SUCLG2: variants seen among roughly 807,000 people sequenced by gnomAD.
SUCLG2 encodes succinate-CoA ligase GDP-forming subunit beta.
Under a neutral mutation model 47.9 loss-of-function variants are expected in SUCLG2, and 42 were observed. The ratio of observed to expected loss-of-function variants is 0.88; its 90% CI spans 0.69 to 1.14. The LOEUF (loss-of-function observed/expected upper bound fraction) is 1.14. Ranked by LOEUF, SUCLG2 falls within the 50% of genes most tolerant of loss-of-function variation. The probability of loss-of-function intolerance (pLI) is 0.00; values close to 1 mark genes in which losing one functional copy is unlikely to be tolerated. For synonymous variants in SUCLG2, 195 were observed against 197.3 expected, an observed-to-expected ratio of 0.99 and a Z score of 0.10; for missense variants, 571 against 525.9, an observed-to-expected ratio of 1.09 and a Z score of -0.84.
At chr3:67,421,748 G>C (rs529318618) in intron 9 of SUCLG2, among the ~76,000 whole-genome samples, 1 of 152,230 alleles carries the variant, frequency 6.6e-6, no homozygotes, top group East Asian at 1.9e-4. Flanking sequence ...ACATATCTAG[G>C]TCAAATTTGG....
intron 7 of SUCLG2, among the ~76,000 whole-genome samples, chr3:67,500,603 A>T (rs1705471923): frequency 6.6e-6 from 1 of 152,174 alleles, no homozygotes; most frequent in South Asian, 2.1e-4. Flanking sequence ...GCTACAGGGG[A>T]ATTTTCTCAG....
At chr3:67,454,056 A>G (rs553371626) in intron 9 of SUCLG2, among the ~76,000 whole-genome samples, 2 of 152,366 alleles carry the variant, frequency 1.3e-5, no homozygotes, top group East Asian at 1.9e-4. Flanking sequence ...GACTGATGAC[A>G]GCCTTATATC....
At chr3:67,528,597 T>G (rs929879269) in intron 3 of SUCLG2, among the ~76,000 whole-genome samples, 3 of 151,970 alleles carry the variant, frequency 2.0e-5, no homozygotes, top group African/African-American at 7.3e-5. Context: ...AGGGTAAAGA[T>G]CAAAGTAAAT....
At chr3:67,378,950 G>A (rs530641728) in intron 10 of SUCLG2, among the ~76,000 whole-genome samples, 5 of 152,172 alleles carry the variant, frequency 3.3e-5, no homozygotes, top group South Asian at 4.1e-4. Flanking sequence ...ACAGTTACAC[G>A]TGTAAATTTT....
At chr3:67,406,331 A>G (rs1409047794) in intron 9 of SUCLG2, among the ~76,000 whole-genome samples, 1 of 152,228 alleles carries the variant, frequency 6.6e-6, no homozygotes, top group Non-Finnish European at 1.5e-5. Flanking sequence ...TAAGCCAGCA[A>G]GAAAGATTTT....
intron 2 of SUCLG2, among the ~76,000 whole-genome samples, chr3:67,594,041 C>T (rs1272959095): frequency 6.6e-6 from 1 of 152,214 alleles, no homozygotes; most frequent in Admixed American, 6.5e-5. Flanking sequence ...TATACCCACA[C>T]CTAGCCCACA....
chr3:67,571,357 C>A (rs1369363531), intron 2 of SUCLG2, among the ~76,000 whole-genome samples: 1 of 152,200 alleles, frequency 6.6e-6, no homozygotes, highest in Non-Finnish European at 1.5e-5. Context: ...ATGTCTACAT[C>A]ATCAGGTTTA....
At chr3:67,501,893 C>T (rs1332444549) in intron 7 of SUCLG2, among the ~76,000 whole-genome samples, 1 of 151,956 alleles carries the variant, frequency 6.6e-6, no homozygotes, top group Non-Finnish European at 1.5e-5. Flanking sequence ...TTTAAAATAT[C>T]CTTTATAAAA....
chr3:67,403,534 G>A (rs1286951285), intron 9 of SUCLG2, among the ~76,000 whole-genome samples: 1 of 71,492 alleles, frequency 1.4e-5, no homozygotes, highest in Non-Finnish European at 3.0e-5. Flanking sequence ...TGTCCTCAGG[G>A]AAGAATTCAA....
At chr3:67,436,943 T>C (rs1329863950) in intron 9 of SUCLG2, among the ~76,000 whole-genome samples, 1 of 152,190 alleles carries the variant, frequency 6.6e-6, no homozygotes, top group Non-Finnish European at 1.5e-5. Context: ...CTTTTATTTA[T>C]TGTTTTCCTT....
intron 9 of SUCLG2, among the ~76,000 whole-genome samples, chr3:67,446,940 T>G (rs1468144343): frequency 1.3e-5 from 2 of 152,202 alleles, no homozygotes; most frequent in African/African-American, 4.8e-5. Flanking sequence ...ATGCAAATTT[T>G]TAAATAATCC....
At chr3:67,384,768 A>G (rs1344758083) in intron 10 of SUCLG2, among the ~76,000 whole-genome samples, 1 of 151,948 alleles carries the variant, frequency 6.6e-6, no homozygotes, top group Non-Finnish European at 1.5e-5. Flanking sequence ...CCCTTCCCAC[A>G]TGTGTGGCTG....
chr3:67,585,950 G>C (rs1247437610), intron 2 of SUCLG2, among the ~76,000 whole-genome samples: 1 of 114,340 alleles, frequency 8.7e-6, no homozygotes, highest in Non-Finnish European at 1.7e-5. Flanking sequence ...CTGGGCAAAA[G>C]AGCAAGACTC....
intron 1 of SUCLG2, among the ~76,000 whole-genome samples, chr3:67,646,992 G>C (rs776113928): frequency 6.6e-6 from 1 of 152,044 alleles, no homozygotes; most frequent in Non-Finnish European, 1.5e-5. Context: ...CAGGATCAGC[G>C]ATCTTGTCCT....
chr3:67,399,873 T>G (rs1013292194), intron 10 of SUCLG2, among the ~76,000 whole-genome samples: 3 of 152,130 alleles, frequency 2.0e-5, no homozygotes, highest in Admixed American at 6.6e-5. Flanking sequence ...CAGAACTATA[T>G]GAAAAGAGCA....
rs185606052 is a variant in SUCLG2, at chr3:67,376,244, G to A, written c.1184-385C>T. 300 of 985,404 alleles carry A rather than the reference G, an allele frequency of 3.0e-4. No individual in the cohort carries two copies. In the Admixed American group the frequency reaches 3.9e-3, roughly 13 times the overall value. The allele number at this position is 985,404 out of a possible 1,614,324, so 61.0% of individuals were successfully genotyped here. ...GACCTGATTTGAGAAAGGAAGTTCCGAGAATCTGCCCAGCTATGTCCACAA... is the reference window on the plus strand; with the variant it reads ...GACCTGATTTGAGAAAGGAAGTTCCAAGAATCTGCCCAGCTATGTCCACAA... On this transcript the variant is annotated intron_variant, in intron 10 of 10. Transcript: ENST00000307227.
chr3:67,428,655 G>A (rs1268964455), intron 9 of SUCLG2, among the ~76,000 whole-genome samples: 1 of 152,196 alleles, frequency 6.6e-6, no homozygotes, highest in Non-Finnish European at 1.5e-5. Flanking sequence ...ACTTCTCCAA[G>A]CTAAAGGAGG....
intron 2 of SUCLG2, among the ~76,000 whole-genome samples, chr3:67,578,121 G>C (rs1050891742): frequency 2.7e-5 from 4 of 150,796 alleles, no homozygotes; most frequent in Admixed American, 6.6e-5. Context: ...ATCTACTTTT[G>C]GTTAAGATGA....
chr3:67,529,347 T>C lies in SUCLG2; in HGVS notation c.227-161A>G, dbSNP rs150385501. On this transcript the variant is annotated intron_variant, in intron 2 of 10. Coordinates refer to ENST00000307227, the MANE Select transcript of SUCLG2 (RefSeq NM_003848.4). Reference sequence around the variant, plus strand: ...TGCAATGAAGAACTTCAAAAAAACATCTATGAGCCTAAATACAAAGCTTGT... The same window carrying C: ...TGCAATGAAGAACTTCAAAAAAACACCTATGAGCCTAAATACAAAGCTTGT... 1.9e-4 allele frequency among the ~76,000 whole-genome samples: 29 copies of C among 152,274 alleles called. 1 individual carries two copies. The highest frequency in any genetic ancestry group is 6.3e-4 in the African/African-American group (26 of 41,568).
Sources: allele counts gnomAD v4.1 joint callset (sites outside exome capture counted in the v4.1 genomes callset), GRCh38; gene constraint gnomAD v4.1.1; transcripts MANE v1.5; gene names NCBI Gene and HGNC (gene_info 2026-07-23, HGNC 2026-07-21).